The following RNF13 variants were observed in gnomAD, a reference collection of about 807,000 sequenced individuals.
RNF13 encodes ring finger protein 13.
RNF13 carries 19 observed loss-of-function variants against 37.7 expected under a neutral mutation model. The ratio of observed to expected loss-of-function variants is 0.50; its 90% CI spans 0.35 to 0.74. The LOEUF (loss-of-function observed/expected upper bound fraction) is 0.74. RNF13 is among the 30% of genes least tolerant of loss of function. The probability of loss-of-function intolerance (pLI) is 0.01; values close to 1 mark genes in which losing one functional copy is unlikely to be tolerated. For missense variants in RNF13, 375 were observed against 453.0 expected, an observed-to-expected ratio of 0.83 and a Z score of 1.56; for synonymous variants, 144 against 157.8, an observed-to-expected ratio of 0.91 and a Z score of 0.65.
intron 1 of RNF13, among the ~76,000 whole-genome samples, chr3:149,819,781 G>C (rs926017466): frequency 2.6e-5 from 4 of 152,142 alleles, no homozygotes; most frequent in Non-Finnish European, 4.4e-5. Flanking sequence ...AATCTGTTAA[G>C]GAATTTTATG....
At chr3:149,833,118 CTTT>C (rs34729566) in intron 1 of RNF13, among the ~76,000 whole-genome samples, 2 of 111,902 alleles carry the variant, frequency 1.8e-5, no homozygotes, top group Admixed American at 1.1e-4. Context: ...CTCTCTCTCT[CTTT>C]TTTTTTTTTT....
intron 4 of RNF13, among the ~76,000 whole-genome samples, chr3:149,893,064 C>T (rs1407014938): frequency 2.0e-5 from 3 of 152,114 alleles, no homozygotes; most frequent in South Asian, 4.1e-4. Flanking sequence ...TGTTTGGCTA[C>T]CCATGAGTAC....
At chr3:149,919,894 G>A (rs928707385) in intron 7 of RNF13, among the ~76,000 whole-genome samples, 8 of 152,270 alleles carry the variant, frequency 5.3e-5, no homozygotes, top group Middle Eastern at 3.4e-3. Context: ...CTCCACTTCC[G>A]TGCCAACGCT....
intron 6 of RNF13, among the ~76,000 whole-genome samples, chr3:149,908,657 G>T (rs931673406): frequency 4.6e-5 from 7 of 152,178 alleles, no homozygotes; most frequent in Non-Finnish European, 8.8e-5. Context: ...AAATAGTGGG[G>T]ATATCCAGCA....
intron 4 of RNF13, among the ~76,000 whole-genome samples, chr3:149,886,115 C>T (rs914281454): frequency 1.2e-4 from 18 of 152,142 alleles, no homozygotes; most frequent in African/African-American, 4.3e-4. Flanking sequence ...CAGCATCATG[C>T]TGTTTTGGTT....
At chr3:149,900,862 A>G (rs541360369) in intron 5 of RNF13, among the ~76,000 whole-genome samples, 2 of 152,014 alleles carry the variant, frequency 1.3e-5, no homozygotes, top group African/African-American at 4.8e-5. Context: ...TGTGTGAGAG[A>G]GAGAGAGAAT....
chr3:149,829,338 G>A (rs144980842), intron 1 of RNF13, among the ~76,000 whole-genome samples: 2,602 of 152,238 alleles, frequency 0.017, 83 homozygotes, highest in African/African-American at 0.058. Flanking sequence ...GACCTCGGGC[G>A]ATCCTCCTGC....
intron 8 of RNF13, among the ~76,000 whole-genome samples, chr3:149,947,984 C>G (rs190659884): frequency 1.1e-3 from 170 of 152,244 alleles, no homozygotes; most frequent in Admixed American, 2.1e-3. Flanking sequence ...GAGTCTTGCT[C>G]TGTCACCCAG....
intron 7 of RNF13, among the ~76,000 whole-genome samples, chr3:149,916,964 AG>A (rs1352722294): frequency 1.3e-5 from 2 of 152,170 alleles, no homozygotes; most frequent in African/African-American, 4.8e-5. Context: ...ACTTTTGATA[AG>A]GAAAATTCTT....
At chr3:149,944,080 C>T (rs923253362) in intron 8 of RNF13, among the ~76,000 whole-genome samples, 44 of 152,026 alleles carry the variant, frequency 2.9e-4, no homozygotes, top group Admixed American at 2.0e-4. Context: ...TTTGTCCTTG[C>T]GATAGTTTGC....
Position 149,892,049 on chromosome 3 carries a change from AAAC to A in RNF13, c.322-3415_322-3413del, listed in dbSNP as rs1402030692. Among the ~76,000 whole-genome samples the A allele has an allele frequency of 9.8e-5, 15 of 152,324 alleles. No individual in the cohort carries two copies. In the East Asian group the frequency reaches 2.5e-3, roughly 25 times the overall value. On this transcript the variant is annotated intron_variant, in intron 4 of 9. Transcript: ENST00000392894. ...ATTTCTTTATTTTAAAAATCGATAA[AAAC>A]AACAACAAAAACCTTGGGAAAGCCT...
chr3:149,925,088 G>A (rs1260789041), intron 8 of RNF13, among the ~76,000 whole-genome samples: 1 of 152,164 alleles, frequency 6.6e-6, no homozygotes, highest in Non-Finnish European at 1.5e-5. Flanking sequence ...AGGTATTGGA[G>A]CTTTTAAGAA....
At chr3:149,887,210 G>T (rs1248705921) in intron 4 of RNF13, among the ~76,000 whole-genome samples, 1 of 152,180 alleles carries the variant, frequency 6.6e-6, no homozygotes, top group African/African-American at 2.4e-5. Context: ...ATGGAACTCA[G>T]TGCTGCCCTG....
At chr3:149,912,911 A>G (rs1223099096) in intron 7 of RNF13, among the ~76,000 whole-genome samples, 2 of 152,268 alleles carry the variant, frequency 1.3e-5, no homozygotes, top group African/African-American at 4.8e-5. Flanking sequence ...AGGCTACATG[A>G]TGTGCAATAT....
At chr3:149,914,043 T>A (rs1341546225) in intron 7 of RNF13, among the ~76,000 whole-genome samples, 2 of 152,232 alleles carry the variant, frequency 1.3e-5, no homozygotes, top group East Asian at 3.8e-4. Flanking sequence ...TTCATTAGTA[T>A]ACACTCATGT....
At chr3:149,847,314 T>C (rs1722739270) in intron 2 of RNF13, among the ~76,000 whole-genome samples, 1 of 152,182 alleles carries the variant, frequency 6.6e-6, no homozygotes. Context: ...ATACTCTAGG[T>C]CTGTGCTAAG....
intron 4 of RNF13, among the ~76,000 whole-genome samples, chr3:149,873,020 G>A (rs1368173952): frequency 6.6e-6 from 1 of 152,128 alleles, no homozygotes; most frequent in Non-Finnish European, 1.5e-5. Flanking sequence ...CTTTAAATGG[G>A]AATAAATTAG....
At chr3:149,946,998 T>C (rs1720829126) in intron 8 of RNF13, among the ~76,000 whole-genome samples, 1 of 152,238 alleles carries the variant, frequency 6.6e-6, no homozygotes, top group Non-Finnish European at 1.5e-5. Flanking sequence ...TTTTCTAAAT[T>C]CCCTTGTGAT....
chr3:149,847,899 TG>T (rs1381792484), intron 2 of RNF13, among the ~76,000 whole-genome samples: 1 of 152,146 alleles, frequency 6.6e-6, no homozygotes, highest in Non-Finnish European at 1.5e-5. Flanking sequence ...TGCTATTCTG[TG>T]GTGGAGCTCC....
Sources: allele counts gnomAD v4.1 joint callset (sites outside exome capture counted in the v4.1 genomes callset), GRCh38; gene constraint gnomAD v4.1.1; transcripts MANE v1.5; gene names NCBI Gene and HGNC (gene_info 2026-07-23, HGNC 2026-07-21).